Variants in F8 observed in about 807,000 individuals in gnomAD.
F8 encodes antihemophilic factor.
In F8, 12 loss-of-function variants were observed where a neutral mutation model predicts 140.6. That is an observed-to-expected ratio of 0.09 (90% confidence interval 0.05 to 0.14). The LOEUF (loss-of-function observed/expected upper bound fraction) is 0.14. F8 is among the 10% of genes least tolerant of loss of function. F8 has a pLI of 1.00. For missense variants in F8, 1,354 were observed against 1,720.7 expected, an observed-to-expected ratio of 0.79 and a Z score of 3.77; for synonymous variants, 585 against 614.6, an observed-to-expected ratio of 0.95 and a Z score of 0.71.
intron 1 of F8, among the ~76,000 whole-genome samples, chrX:155,002,344 T>C (rs2073650753): frequency 8.9e-6 from 1 of 112,393 alleles, no homozygotes; most frequent in African/African-American, 3.2e-5. Context: ...GATGCCCAGA[T>C]ACATGGCAAA....
intron 25 of F8, among the ~76,000 whole-genome samples, chrX:154,853,898 A>G (rs2072633029): frequency 8.9e-6 from 1 of 111,861 alleles, no homozygotes; most frequent in Non-Finnish European, 1.9e-5. Context: ...TGTCAGTGAT[A>G]TAGCCTTTTT....
chrX:155,018,796 TA>T (rs2073747091), intron 1 of F8, among the ~76,000 whole-genome samples: 1 of 112,123 alleles, frequency 8.9e-6, no homozygotes, highest in Admixed American at 9.4e-5. Flanking sequence ...GAGGGGTGAT[TA>T]AAGATATTGC....
intron 25 of F8, among the ~76,000 whole-genome samples, chrX:154,848,626 A>G (rs1236953538): frequency 4.5e-5 from 5 of 111,842 alleles, no homozygotes; most frequent in Non-Finnish European, 9.4e-5. Context: ...GTTTGCTAAG[A>G]CCATTGGAAA....
At chrX:154,935,425 A>C (rs1213753474) in intron 13 of F8, among the ~76,000 whole-genome samples, 1 of 111,880 alleles carries the variant, frequency 8.9e-6, no homozygotes, top group Non-Finnish European at 1.9e-5. Flanking sequence ...AGATGACTTA[A>C]TGGGAAAAGA....
rs1486370015 is a variant in F8 at position 154,837,591 on chromosome X, C to T, written c.*6G>A. On this transcript the variant is annotated 3_prime_UTR_variant, in exon 26 of 26. Coordinates refer to ENST00000360256, the MANE Select transcript of F8 (RefSeq NM_000132.4). ...ACGGCAGTGGCAGGTGCTGCAGTGG[C>T]CACCCTCAGTAGAGGTCCTGTGCCT... is the stretch of plus-strand genomic sequence containing the variant. 8.4e-7 allele frequency: 1 copy of T among 1,186,877 alleles called. No individual in the cohort carries two copies. Among genetic ancestry groups the T allele is most frequent in the Non-Finnish European group, 1.1e-6 (1 of 883,674 alleles).
At chrX:154,876,269 A>G (rs28671606) in intron 22 of F8, among the ~76,000 whole-genome samples, 1,383 of 108,925 alleles carry the variant, frequency 0.013, 23 homozygotes, top group African/African-American at 0.034. Context: ...ACAGGCGCCC[A>G]CCACCACACC....
Position 154,993,128 on chromosome X carries a change from T to C in F8, c.409A>G (p.Thr137Ala). The change falls in exon 4 of 26, where the codon ACC becomes GCC. Residue 137 changes from threonine (T) to alanine (A), a missense_variant. Physicochemically the swap from Thr to Ala is moderately conservative, Grantham distance 58. Coordinates refer to ENST00000360256, the MANE Select transcript of F8 (RefSeq NM_000132.4). ...ASEGAEYDDQ[T>A]SQREKEDDKV... ...TCATCTTCTTTCTCCCTTTGACTGGTCTGATCATCATATTCAGCTCCTATA... is the reference window on the plus strand; with the variant it reads ...TCATCTTCTTTCTCCCTTTGACTGGCCTGATCATCATATTCAGCTCCTATA... The C allele has an allele frequency of 1.7e-6, 2 of 1,211,077 alleles. No homozygotes were observed. The highest frequency in any genetic ancestry group is 2.2e-6 in the Non-Finnish European group (2 of 894,712).
chrX:154,993,294 A>C, intron 3 of F8, 146 bp from the exon 4 acceptor site: 4 of 523,347 alleles, frequency 7.6e-6, no homozygotes, highest in Non-Finnish European at 1.2e-5. Context: ...TTTGAGACGG[A>C]GTCTCACTCT....
intron 15 of F8, among the ~76,000 whole-genome samples, chrX:154,905,487 A>T (rs782470567): frequency 8.0e-5 from 9 of 112,074 alleles, no homozygotes; most frequent in African/African-American, 2.9e-4. Context: ...ATTGCCCACA[A>T]TTCCATAATT....
intron 14 of F8, among the ~76,000 whole-genome samples, chrX:154,927,653 C>G (rs1557278200): frequency 8.9e-6 from 1 of 112,220 alleles, no homozygotes; most frequent in Non-Finnish European, 1.9e-5. Flanking sequence ...ATGAGAAAGT[C>G]AGTGGACTAG....
chrX:154,925,840 T>G (rs782253728), intron 14 of F8, among the ~76,000 whole-genome samples: 2 of 112,474 alleles, frequency 1.8e-5, no homozygotes, highest in Non-Finnish European at 3.8e-5. Flanking sequence ...GAGTTAATGC[T>G]GAAATGTGTT....
chrX:154,907,962 G>C (rs1383597790), intron 14 of F8, among the ~76,000 whole-genome samples: 2 of 110,627 alleles, frequency 1.8e-5, no homozygotes, highest in African/African-American at 6.6e-5. Flanking sequence ...TAATTTTAAT[G>C]TGTGGAATTT....
chrX:155,009,160 G>T (rs1480907730), intron 1 of F8, among the ~76,000 whole-genome samples: 5 of 108,649 alleles, frequency 4.6e-5, no homozygotes, highest in African/African-American at 1.7e-4. Context: ...CGCAATCTCG[G>T]CTCACTGCAA....
chrX:154,917,534 C>T (rs1419530454), intron 14 of F8, among the ~76,000 whole-genome samples: 1 of 111,838 alleles, frequency 8.9e-6, no homozygotes, highest in African/African-American at 3.3e-5. Flanking sequence ...GCTTTTTATT[C>T]ATTGCTCTTT....
intron 14 of F8, among the ~76,000 whole-genome samples, chrX:154,913,583 C>A (rs1169763172): frequency 1.8e-5 from 2 of 112,776 alleles, no homozygotes; most frequent in Non-Finnish European, 3.8e-5. Flanking sequence ...TGGGTAAATA[C>A]ACTCATTCCA....
chrX:154,955,439 G>A (rs888645946), intron 11 of F8, among the ~76,000 whole-genome samples: 17 of 106,323 alleles, frequency 1.6e-4, no homozygotes, highest in Middle Eastern at 4.8e-3. Flanking sequence ...GATTACAGGC[G>A]TGAGCCACCG....
intron 22 of F8, 62 bp downstream of exon 22, chrX:154,896,015 C>T: frequency 9.1e-7 from 1 of 1,100,742 alleles, no homozygotes; most frequent in Non-Finnish European, 1.3e-6. Context: ...TGTCCAATAT[C>T]TGAAATCTGC....
intron 13 of F8, among the ~76,000 whole-genome samples, chrX:154,945,632 A>C (rs5945122): frequency 0.16 from 18,271 of 111,629 alleles, 1,204 homozygotes; most frequent in African/African-American, 0.24. Context: ...TACGGCTAAT[A>C]TCATACCAAA....
intron 25 of F8, among the ~76,000 whole-genome samples, chrX:154,851,567 A>G (rs782329987): frequency 3.0e-4 from 33 of 109,212 alleles, no homozygotes; most frequent in African/African-American, 1.0e-3. Flanking sequence ...CCCGCTTGAC[A>G]TTTTGTTTTT....
Sources: gnomAD v4.1 joint callset for allele counts (sites outside exome capture counted in the v4.1 genomes callset) on GRCh38, gnomAD v4.1.1 for gene constraint, MANE v1.5 for transcripts, NCBI Gene and HGNC (gene_info 2026-07-23, HGNC 2026-07-21) for gene names.